The following ROBO2 variants were observed in gnomAD, a reference collection of about 807,000 sequenced individuals.
ROBO2 encodes the protein roundabout guidance receptor 2.
Under a neutral mutation model 160.8 loss-of-function variants are expected in ROBO2, and 53 were observed. That is an observed-to-expected ratio of 0.33 (90% CI 0.26 to 0.41). The LOEUF (loss-of-function observed/expected upper bound fraction) is 0.41, where lower values mean the gene tolerates loss of function less well. Ranked by LOEUF, ROBO2 falls within the 10% of genes least tolerant of loss-of-function variation. The probability of loss-of-function intolerance (pLI) is 1.00; values close to 1 mark genes in which losing one functional copy is unlikely to be tolerated. For missense variants in ROBO2, 1,577 were observed against 1,722.4 expected, an observed-to-expected ratio of 0.92 and a Z score of 1.49; for synonymous variants, 664 against 611.7, an observed-to-expected ratio of 1.09 and a Z score of -1.26.
chr3:77,613,160 T>C (rs796279285), intron 21 of ROBO2, among the ~76,000 whole-genome samples: 46 of 152,264 alleles, frequency 3.0e-4, no homozygotes, highest in African/African-American at 1.1e-3. Context: ...TAACTTTTCT[T>C]ATGTTTTCTT....
intron 2 of ROBO2, among the ~76,000 whole-genome samples, chr3:76,573,802 T>C (rs1358806023): frequency 6.6e-6 from 1 of 152,100 alleles, no homozygotes; most frequent in African/African-American, 2.4e-5. Flanking sequence ...GGGCACTTTT[T>C]GGAATGATCC....
chr3:75,968,541 C>A (rs2064881161), intron 2 of ROBO2, among the ~76,000 whole-genome samples: 1 of 151,498 alleles, frequency 6.6e-6, no homozygotes, highest in Non-Finnish European at 1.5e-5. Flanking sequence ...TACAATCAAG[C>A]CAATTAACAT....
chr3:76,349,552 G>A (rs776263290), intron 2 of ROBO2, among the ~76,000 whole-genome samples: 9 of 152,054 alleles, frequency 5.9e-5, no homozygotes, highest in Non-Finnish European at 1.3e-4. Flanking sequence ...TCAGAAGTGT[G>A]AGCTTCAGAT....
intron 2 of ROBO2, among the ~76,000 whole-genome samples, chr3:76,999,068 G>C (rs1472161821): frequency 1.3e-5 from 2 of 151,902 alleles, no homozygotes. Context: ...CAGGTCTTCT[G>C]TGCTGTGTAT....
chr3:77,587,290 G>A (rs914885629), intron 16 of ROBO2, among the ~76,000 whole-genome samples: 1 of 152,042 alleles, frequency 6.6e-6, no homozygotes, highest in African/African-American at 2.4e-5. Context: ...TGCACTTTTT[G>A]TTCCTAGTTA....
rs375469648 is a variant in ROBO2 at position 77,607,912 on chromosome 3, G to T, written c.3251G>T (p.Gly1084Val). The T allele has an allele frequency of 2.1e-5, 34 of 1,613,576 alleles. No individual in the cohort carries two copies. The African/African-American group carries it at 4.3e-4, about 20-fold the overall frequency. Residue 1084 changes from glycine to valine, a missense_variant, in exon 21 of 26, where the codon GGC (glycine) becomes GTC (valine). This residue lies in a region of ROBO2 where 637 missense variants were observed against 586.9 expected (regional missense o/e 1.09). Transcript: ENST00000461745. The stretch of plus-strand genomic sequence containing the variant: ...CCCCCCCCAGTCCAGCCCCTTCCTG[G>T]CACGGAGCTGGAACACTATGCAGTG...
intron 2 of ROBO2, among the ~76,000 whole-genome samples, chr3:76,769,077 T>C (rs1028198203): frequency 4.0e-5 from 6 of 151,500 alleles, no homozygotes; most frequent in Non-Finnish European, 8.9e-5. Context: ...TGATTTTTCA[T>C]CCTTGGCCGT....
At chr3:76,838,465 A>G (rs2067912757) in intron 2 of ROBO2, among the ~76,000 whole-genome samples, 1 of 152,122 alleles carries the variant, frequency 6.6e-6, no homozygotes, top group African/African-American at 2.4e-5. Flanking sequence ...TTTTCAAATT[A>G]CAAACAAGTC....
At chr3:76,940,139 G>A in intron 2 of ROBO2, among the ~76,000 whole-genome samples, 1 of 151,950 alleles carries the variant, frequency 6.6e-6, no homozygotes, top group Non-Finnish European at 1.5e-5. Flanking sequence ...CCGCCACCAC[G>A]CCCGGGTAAT....
intron 2 of ROBO2, among the ~76,000 whole-genome samples, chr3:76,604,132 A>T (rs2087458452): frequency 1.3e-5 from 2 of 152,326 alleles, no homozygotes; most frequent in South Asian, 4.1e-4. Flanking sequence ...TATCCTAATG[A>T]TGACATTACT....
intron 2 of ROBO2, among the ~76,000 whole-genome samples, chr3:76,881,093 G>C (rs1233246083): frequency 6.6e-6 from 1 of 152,098 alleles, no homozygotes; most frequent in Non-Finnish European, 1.5e-5. Context: ...TTTGTGTACT[G>C]TTTGATCTTT....
chr3:76,366,016 T>C (rs899415659), intron 2 of ROBO2, among the ~76,000 whole-genome samples: 1 of 152,044 alleles, frequency 6.6e-6, no homozygotes, highest in Admixed American at 6.6e-5. Context: ...GGTTCATCTG[T>C]TGAGGTAGCT....
chr3:76,197,574 A>T (rs1332306255), intron 2 of ROBO2, among the ~76,000 whole-genome samples: 1 of 152,210 alleles, frequency 6.6e-6, no homozygotes, highest in Non-Finnish European at 1.5e-5. Context: ...GACTGGATAT[A>T]ATATACTTTA....
intron 2 of ROBO2, among the ~76,000 whole-genome samples, chr3:76,436,585 C>G (rs1349480915): frequency 6.6e-6 from 1 of 152,038 alleles, no homozygotes; most frequent in East Asian, 1.9e-4. Flanking sequence ...AGAGATTGTC[C>G]TGTGATTTCT....
intron 2 of ROBO2, among the ~76,000 whole-genome samples, chr3:76,714,360 G>A (rs1195395511): frequency 6.6e-6 from 1 of 152,058 alleles, no homozygotes; most frequent in Non-Finnish European, 1.5e-5. Context: ...GGCGTGGACG[G>A]GTGGGATCTG....
intron 2 of ROBO2, among the ~76,000 whole-genome samples, chr3:76,182,538 C>A (rs1316573189): frequency 6.6e-6 from 1 of 151,988 alleles, no homozygotes; most frequent in East Asian, 1.9e-4. Context: ...ATTGATTAAC[C>A]CCTGTGTCCC....
At chr3:76,284,944 A>G (rs1708434132) in intron 2 of ROBO2, among the ~76,000 whole-genome samples, 2 of 152,066 alleles carry the variant, frequency 1.3e-5, no homozygotes, top group South Asian at 2.1e-4. Flanking sequence ...TTGTTTTCCC[A>G]CTGCTCTTTT....
intron 21 of ROBO2, among the ~76,000 whole-genome samples, chr3:77,616,117 A>C (rs907881877): frequency 6.6e-6 from 1 of 152,190 alleles, no homozygotes; most frequent in Non-Finnish European, 1.5e-5. Context: ...CCACAATATA[A>C]GTATTATGGA....
At chr3:76,356,962 T>C (rs991960404) in intron 2 of ROBO2, among the ~76,000 whole-genome samples, 8 of 151,888 alleles carry the variant, frequency 5.3e-5, no homozygotes. Context: ...TATATTTTTA[T>C]TTTTAGTTTA....
Sources: allele counts gnomAD v4.1 joint callset (sites outside exome capture counted in the v4.1 genomes callset), GRCh38; gene constraint gnomAD v4.1.1; regional missense constraint gnomAD v4.1.1; transcripts MANE v1.5; gene names NCBI Gene and HGNC (gene_info 2026-07-23, HGNC 2026-07-21).